The following SDK1 variants were observed in gnomAD, a reference collection of about 807,000 sequenced individuals.
SDK1 encodes sidekick cell adhesion molecule 1, also known as protein sidekick-1.
Under a neutral mutation model 245.5 loss-of-function variants are expected in SDK1, and 157 were observed. The observed-to-expected ratio is 0.64, with a 90% confidence interval of 0.56 to 0.73. The LOEUF is 0.73. Among genes scored for constraint, SDK1 ranks in the 30% least tolerant of loss-of-function variants. SDK1 has a pLI of 0.00. For synonymous variants in SDK1, 1,647 were observed against 1,278.5 expected (o/e 1.29, Z -6.15); for missense variants, 3,583 against 3,002.3 (o/e 1.19, Z -4.52).
At chr7:3,742,461 A>G (rs1287014312) in intron 4 of SDK1, among the ~76,000 whole-genome samples, 1 of 152,200 alleles carries the variant, frequency 6.6e-6, no homozygotes, top group African/African-American at 2.4e-5. Context: ...GACACCAGAA[A>G]GGGCTTACAC....
At chr7:3,723,872 ACACG>A (rs1778913835) in intron 4 of SDK1, among the ~76,000 whole-genome samples, 5 of 132,206 alleles carry the variant, frequency 3.8e-5, no homozygotes, top group African/African-American at 1.3e-4. Context: ...ACGTGTATAT[ACACG>A]TACATATATA....
intron 30 of SDK1, among the ~76,000 whole-genome samples, chr7:4,156,803 T>C (rs781144403): frequency 2.6e-5 from 4 of 152,164 alleles, no homozygotes; most frequent in African/African-American, 9.7e-5. Context: ...TTCAGAGTCC[T>C]GGGGGTCCAC....
intron 33 of SDK1, 99 bp downstream of exon 33, chr7:4,174,456 G>A: frequency 7.4e-7 from 1 of 1,354,680 alleles, no homozygotes; most frequent in Non-Finnish European, 1.0e-6. Flanking sequence ...CTGTGGAAGA[G>A]GCTGAGAGAA....
chr7:3,624,101 G>A (rs981738224), intron 2 of SDK1, among the ~76,000 whole-genome samples: 1 of 152,206 alleles, frequency 6.6e-6, no homozygotes, highest in Non-Finnish European at 1.5e-5. Flanking sequence ...TGATACTTAT[G>A]TAGGAAACCC....
Position 4,175,757 on chromosome 7 carries a change from C to T in SDK1, c.4937-18C>T, listed in dbSNP as rs201801593. 6.8e-6 allele frequency: 11 copies of T among 1,612,580 alleles called. No individual in the cohort carries two copies. Among genetic ancestry groups the T allele is most frequent in the Admixed American group, 1.7e-5 (1 of 60,024 alleles). On this transcript the variant is annotated intron_variant, in intron 33 of 44. Transcript: ENST00000404826. ...TCCCTGCGTGCTAACCACCTTTCTG[C>T]TTTGCTTACCCCAATAGCCCAAAGC...
chr7:3,760,998 G>C (rs1189718925), intron 4 of SDK1, among the ~76,000 whole-genome samples: 1 of 152,180 alleles, frequency 6.6e-6, no homozygotes, highest in African/African-American at 2.4e-5. Context: ...AAGCTGCTAT[G>C]AGCATTTGCC....
At chr7:3,555,906 A>ACAG (rs1755050380) in intron 1 of SDK1, among the ~76,000 whole-genome samples, 1 of 152,178 alleles carries the variant, frequency 6.6e-6, no homozygotes, top group Admixed American at 6.5e-5. Flanking sequence ...TATCTTAAAG[A>ACAG]CAGGCAGTAA....
At chr7:4,009,238 A>G (rs558400159) in intron 14 of SDK1, among the ~76,000 whole-genome samples, 7 of 152,318 alleles carry the variant, frequency 4.6e-5, no homozygotes, top group African/African-American at 1.7e-4. Flanking sequence ...TTTCTTCTAC[A>G]TACCAGTTCT....
chr7:3,528,337 G>A (rs1249174925), intron 1 of SDK1, among the ~76,000 whole-genome samples: 15 of 143,118 alleles, frequency 1.0e-4, no homozygotes, highest in Admixed American at 4.8e-4. Flanking sequence ...ATCGTCAGCT[G>A]GGGGTTGAGT....
intron 1 of SDK1, among the ~76,000 whole-genome samples, chr7:3,495,980 T>A (rs967841268): frequency 3.3e-5 from 5 of 152,232 alleles, no homozygotes; most frequent in African/African-American, 7.2e-5. Flanking sequence ...TACTTATCTT[T>A]TCTCAGTGGC....
chr7:3,607,655 G>T (rs1562598187), intron 1 of SDK1, among the ~76,000 whole-genome samples: 1 of 152,146 alleles, frequency 6.6e-6, no homozygotes, highest in Admixed American at 6.5e-5. Flanking sequence ...CAACTTCTTT[G>T]GCTTAATAGT....
At chr7:3,411,976 G>A (rs1041268291) in intron 1 of SDK1, among the ~76,000 whole-genome samples, 2 of 152,116 alleles carry the variant, frequency 1.3e-5, no homozygotes, top group African/African-American at 4.8e-5. Flanking sequence ...AACGCACAAA[G>A]AAAAGGAGAT....
chr7:4,173,335 C>G (rs914564801), intron 32 of SDK1, among the ~76,000 whole-genome samples: 2 of 152,192 alleles, frequency 1.3e-5, no homozygotes, highest in Non-Finnish European at 1.5e-5. Context: ...CCTTCTCAGT[C>G]TCAGATTTGT....
At chr7:3,732,222 T>C (rs1450615933) in intron 4 of SDK1, among the ~76,000 whole-genome samples, 1 of 152,146 alleles carries the variant, frequency 6.6e-6, no homozygotes, top group Non-Finnish European at 1.5e-5. Flanking sequence ...CCGACTATTT[T>C]TTGTTTTGTC....
chr7:3,685,465 A>G (rs1381060528), intron 4 of SDK1, among the ~76,000 whole-genome samples: 1 of 152,186 alleles, frequency 6.6e-6, no homozygotes, highest in Non-Finnish European at 1.5e-5. Context: ...GAGCTGCATA[A>G]AATATTCTAA....
intron 4 of SDK1, among the ~76,000 whole-genome samples, chr7:3,802,521 T>G (rs1779133077): frequency 1.3e-5 from 2 of 151,336 alleles, no homozygotes; most frequent in Non-Finnish European, 2.9e-5. Flanking sequence ...GGGAGCAGAA[T>G]GAGACCCTAT....
chr7:3,611,784 T>C (rs1385904391), intron 1 of SDK1, among the ~76,000 whole-genome samples: 4 of 152,072 alleles, frequency 2.6e-5, no homozygotes, highest in Admixed American at 2.0e-4. Context: ...CTATGCCTCC[T>C]TACTCCGGCA....
In SDK1 at chr7:4,078,720, G is replaced by A. The variant is rs562085953; in HGVS notation, c.3203-743G>A. Among the ~76,000 whole-genome samples, 84 of 152,210 alleles carry A rather than the reference G, an allele frequency of 5.5e-4. 1 individual carries two copies. Among genetic ancestry groups the A allele is most frequent in the African/African-American group, 2.0e-3 (82 of 41,522 alleles). ...TTTGAACTCATAATGCTACAATTCCGGGTGGGAGATGCTCTTTGGGGAGCG... is the reference window on the plus strand; with the variant it reads ...TTTGAACTCATAATGCTACAATTCCAGGTGGGAGATGCTCTTTGGGGAGCG... On this transcript the variant is annotated intron_variant, in intron 21 of 44. Coordinates refer to ENST00000404826, the MANE Select transcript of SDK1 (RefSeq NM_152744.4).
At chr7:4,056,153 A>AT (rs34368464) in intron 19 of SDK1, among the ~76,000 whole-genome samples, 43,038 of 142,180 alleles carry the variant, frequency 0.3, 9,294 homozygotes, top group African/African-American at 0.63. Flanking sequence ...AATAATCTCA[A>AT]TTTTTTTTTT....
Sources: gnomAD v4.1 joint callset for allele counts (sites outside exome capture counted in the v4.1 genomes callset) on GRCh38, gnomAD v4.1.1 for gene constraint, MANE v1.5 for transcripts, NCBI Gene and HGNC (gene_info 2026-07-23, HGNC 2026-07-21) for gene names.